Variants in PMPCB observed in about 807,000 individuals in gnomAD.
The protein encoded by PMPCB is mitochondrial-processing peptidase subunit beta.
PMPCB carries 46 observed loss-of-function variants against 61.5 expected under a neutral mutation model. The ratio of observed to expected loss-of-function variants is 0.75; its 90% CI spans 0.59 to 0.96. The LOEUF (loss-of-function observed/expected upper bound fraction) is 0.96. Ranked by LOEUF, PMPCB falls within the 40% of genes least tolerant of loss-of-function variation. The pLI is 0.00. For synonymous variants in PMPCB, 191 were observed against 201.6 expected, an observed-to-expected ratio of 0.95 and a Z score of 0.44; for missense variants, 590 against 602.4, an observed-to-expected ratio of 0.98 and a Z score of 0.22.
At chr7:103,346,977 T>C in the PMPCB span, among the ~76,000 whole-genome samples, 1 of 152,240 alleles carries the variant, frequency 6.6e-6, no homozygotes. Flanking sequence ...AAATATCTCT[T>C]TGAGATCCTG....
chr7:103,344,490 T>C, the PMPCB span: 1 of 1,571,794 alleles, frequency 6.4e-7, no homozygotes, highest in Non-Finnish European at 8.8e-7. Flanking sequence ...GAGCCCAGGG[T>C]TGCCGAGGCG....
At chr7:103,300,543 G>T (rs1817421723) in intron 4 of PMPCB, among the ~76,000 whole-genome samples, 1 of 152,122 alleles carries the variant, frequency 6.6e-6, no homozygotes, top group Admixed American at 6.5e-5. Flanking sequence ...TATTTGGTGG[G>T]AATAAAATAT....
chr7:103,329,186 TA>T (rs1586097606), exon 13 of PMPCB: 6 of 327,384 alleles, frequency 1.8e-5, no homozygotes, highest in Non-Finnish European at 2.9e-5. Context: ...TGCTAGCTGT[TA>T]ACATCTACAT....
At chr7:103,347,357 T>TA in the PMPCB span, among the ~76,000 whole-genome samples, 1 of 152,236 alleles carries the variant, frequency 6.6e-6, no homozygotes, top group Non-Finnish European at 1.5e-5. Context: ...TTTGCCCACT[T>TA]AAAAAATCAG....
downstream of PMPCB, among the ~76,000 whole-genome samples, chr7:103,315,228 CATTTT>C (rs1817982575): frequency 6.6e-6 from 1 of 150,702 alleles, no homozygotes; most frequent in Non-Finnish European, 1.5e-5. Context: ...CAATTTTTAA[CATTTT>C]ATTTTGAAAT....
downstream of PMPCB, among the ~76,000 whole-genome samples, chr7:103,334,126 T>A (rs1367301708): frequency 6.6e-6 from 1 of 152,040 alleles, no homozygotes; most frequent in East Asian, 2.0e-4. Flanking sequence ...GATATTTTTG[T>A]ATTTTTAGTA....
At chr7:103,308,886 C>T in intron 7 of PMPCB, 66 bp from the exon 8 acceptor site, 2 of 1,312,142 alleles carry the variant, frequency 1.5e-6, no homozygotes, top group Non-Finnish European at 2.0e-6. Flanking sequence ...TGATTTTTTC[C>T]TTGTTAATAA....
the PMPCB span, among the ~76,000 whole-genome samples, chr7:103,341,393 C>G: frequency 3.9e-5 from 6 of 152,128 alleles, no homozygotes; most frequent in Non-Finnish European, 7.4e-5. Flanking sequence ...ATCACCATAC[C>G]GCATGTACCC....
intron 6 of PMPCB, among the ~76,000 whole-genome samples, chr7:103,305,207 C>G (rs540236528): frequency 2.0e-5 from 3 of 152,040 alleles, no homozygotes; most frequent in Non-Finnish European, 4.4e-5. Flanking sequence ...TTTAATAGAT[C>G]TAATTTTTGG....
the PMPCB span, chr7:103,344,436 C>T: frequency 1.7e-5 from 18 of 1,075,882 alleles, no homozygotes; most frequent in East Asian, 3.8e-4. Context: ...CTCGTCACGG[C>T]CCCATACGGC....
chr7:103,341,991 C>A, the PMPCB span: 1 of 1,441,660 alleles, frequency 6.9e-7, no homozygotes, highest in Non-Finnish European at 9.3e-7. Context: ...TTCAGTGTAT[C>A]GCATGGAATA....
At chr7:103,317,488 A>G (rs1818134442), downstream of PMPCB, 1 of 153,458 alleles carries the variant, frequency 6.5e-6, no homozygotes, top group African/African-American at 2.4e-5. Flanking sequence ...AAGTAAAAAA[A>G]GAACCTTTAT....
At position 103,310,208 on chromosome 7, in the gene PMPCB, G is replaced by A; in HGVS notation, c.994-107G>A. 3 of 790,922 alleles carry A rather than the reference G, an allele frequency of 3.8e-6. No individual in the cohort carries two copies. In the South Asian group the frequency reaches 4.9e-5, roughly 13 times the overall value. 49.0% of individuals were successfully genotyped at this position (790,922 alleles called of 1,614,324 possible). ...ACTACTGAGATGTTGAATAAAACTA[G>A]GAAACAGCCTCTAAGGATATTCACT... On this transcript the variant is annotated intron_variant, in intron 8 of 12. Transcript: ENST00000249269.
At chr7:103,329,915 ATTTAATAACT>A (rs1818896877), downstream of PMPCB, among the ~76,000 whole-genome samples, 1 of 152,128 alleles carries the variant, frequency 6.6e-6, no homozygotes, top group Admixed American at 6.6e-5. Context: ...GTTGTCTCTT[ATTTAATAACT>A]TAACTCACTG....
chr7:103,310,552 G>A (rs1817710912), intron 9 of PMPCB, 77 bp downstream of exon 9: 10 of 1,111,592 alleles, frequency 9.0e-6, no homozygotes, highest in Non-Finnish European at 1.3e-5. Flanking sequence ...ATACTTTATG[G>A]TGATTTATGG....
At chr7:103,301,312 A>G (rs1266584403) in intron 4 of PMPCB, among the ~76,000 whole-genome samples, 1 of 152,224 alleles carries the variant, frequency 6.6e-6, no homozygotes, top group Non-Finnish European at 1.5e-5. Flanking sequence ...ACTTAATATG[A>G]TACCCTAACT....
downstream of PMPCB, chr7:103,316,108 A>T: frequency 7.1e-7 from 1 of 1,401,444 alleles, no homozygotes; most frequent in Non-Finnish European, 9.8e-7. Flanking sequence ...TATATTATAC[A>T]ATAATATGAA....
downstream of PMPCB, chr7:103,316,211 G>C (rs553499497): frequency 1.7e-5 from 9 of 518,608 alleles, no homozygotes; most frequent in African/African-American, 9.8e-5. Flanking sequence ...TCAGATTGGT[G>C]GTCTAATTAT....
intron 5 of PMPCB, 132 bp downstream of exon 5, chr7:103,304,172 T>C: frequency 1.3e-6 from 1 of 742,644 alleles, no homozygotes. Flanking sequence ...TGTAGTTAGC[T>C]ACATTTTAGT....
Sources: gnomAD v4.1 joint callset for allele counts (sites outside exome capture counted in the v4.1 genomes callset) on GRCh38, gnomAD v4.1.1 for gene constraint, MANE v1.5 for transcripts, NCBI Gene and HGNC (gene_info 2026-07-23, HGNC 2026-07-21) for gene names.